Variants in SHC4 observed in about 807,000 individuals in gnomAD.
The protein encoded by SHC4 is SHC adaptor protein 4, also known as SHC-transforming protein 4.
In SHC4, 41 loss-of-function variants were observed where a neutral mutation model predicts 69.4. The observed-to-expected ratio is 0.59, with a 90% CI of 0.46 to 0.77. The LOEUF (loss-of-function observed/expected upper bound fraction) is 0.77, where lower values mean the gene tolerates loss of function less well. SHC4 is among the 30% of genes least tolerant of loss of function. The pLI, the probability that SHC4 is intolerant of heterozygous loss-of-function variation, is 0.00. For synonymous variants in SHC4, 318 were observed against 299.3 expected, an observed-to-expected ratio of 1.06 and a Z score of -0.64; for missense variants, 777 against 783.8, an observed-to-expected ratio of 0.99 and a Z score of 0.10.
chr15:48,846,980 A>G (rs1161324460), intron 9 of SHC4, among the ~76,000 whole-genome samples: 1 of 151,176 alleles, frequency 6.6e-6, no homozygotes, highest in Non-Finnish European at 1.5e-5. Context: ...AGCGCACAAT[A>G]GAGTACTGAA....
At chr15:48,958,084 T>C (rs1292671861) in intron 1 of SHC4, among the ~76,000 whole-genome samples, 1 of 152,224 alleles carries the variant, frequency 6.6e-6, no homozygotes, top group Non-Finnish European at 1.5e-5. Flanking sequence ...TCGATTTCTA[T>C]AGTAGTAAGC....
intron 2 of SHC4, among the ~76,000 whole-genome samples, chr15:48,896,640 A>G (rs1334054046): frequency 1.3e-5 from 2 of 152,006 alleles, no homozygotes; most frequent in African/African-American, 2.4e-5. Context: ...TTTCTATTCC[A>G]TTTAAGAAGG....
intron 1 of SHC4, among the ~76,000 whole-genome samples, chr15:48,932,453 C>A (rs1017417080): frequency 4.6e-5 from 7 of 152,144 alleles, no homozygotes; most frequent in Non-Finnish European, 1.0e-4. Context: ...GAATGATGTA[C>A]AGGGCCTCTC....
chr15:48,957,245 T>G (rs1445230011), intron 1 of SHC4, among the ~76,000 whole-genome samples: 1 of 152,258 alleles, frequency 6.6e-6, no homozygotes, highest in East Asian at 1.9e-4. Flanking sequence ...CCCTAAGTGC[T>G]GGGGTTACAG....
chr15:48,944,852 G>A (rs570939602), intron 1 of SHC4, among the ~76,000 whole-genome samples: 1 of 152,110 alleles, frequency 6.6e-6, no homozygotes, highest in Non-Finnish European at 1.5e-5. Context: ...CAAAAGTAAC[G>A]TTTTAATCCC....
intron 11 of SHC4, among the ~76,000 whole-genome samples, chr15:48,829,527 C>T (rs575650028): frequency 6.6e-6 from 1 of 152,052 alleles, no homozygotes; most frequent in Admixed American, 6.5e-5. Flanking sequence ...TTATTTTGTC[C>T]GATATAAGTA....
intron 1 of SHC4, among the ~76,000 whole-genome samples, chr15:48,949,983 TATAAA>T (rs1409980672): frequency 8.4e-5 from 12 of 142,180 alleles, no homozygotes; most frequent in Admixed American, 4.3e-4. Context: ...TGAAATAATA[TATAAA>T]ATAATATATT....
chr15:48,936,729 G>A (rs1424253652), intron 1 of SHC4, among the ~76,000 whole-genome samples: 4 of 152,158 alleles, frequency 2.6e-5, no homozygotes, highest in African/African-American at 9.7e-5. Flanking sequence ...CTAATACACT[G>A]GGAAATGAGC....
chr15:48,890,797 C>T lies in SHC4; in HGVS notation c.671G>A (p.Arg224His), dbSNP rs780132399. ...RTQVTREAISRLCEAVPGANG... is the reference protein window; with the variant it reads ...RTQVTREAISHLCEAVPGANG... ...TGCCCCGGGGACAGCTTCACACAGG[C>T]GACTTATTGCTTCCCTAAAGAACAG... The change falls in exon 3 of 12, where the codon CGC (arginine) becomes CAC (histidine). Residue 224 changes from arginine to histidine, a missense_variant. Arg to His is a conservative substitution (Grantham distance 29, BLOSUM62 0). Transcript: ENST00000332408. The T allele has an allele frequency of 2.5e-6, 4 of 1,614,142 alleles. No homozygotes were observed. Among genetic ancestry groups the T allele is most frequent in the Middle Eastern group, 1.6e-4 (1 of 6,062 alleles).
chr15:48,934,334 G>C (rs933336419), intron 1 of SHC4, among the ~76,000 whole-genome samples: 1 of 152,120 alleles, frequency 6.6e-6, no homozygotes, highest in Non-Finnish European at 1.5e-5. Flanking sequence ...CACATGAAAA[G>C]ATGTTCAATA....
chr15:48,909,450 G>A (rs1344189070), intron 2 of SHC4, among the ~76,000 whole-genome samples: 1 of 152,092 alleles, frequency 6.6e-6, no homozygotes, highest in African/African-American at 2.4e-5. Context: ...CTTTCTGGAG[G>A]AGTCTTTAAG....
At chr15:48,842,791 C>T (rs969918092) in intron 10 of SHC4, among the ~76,000 whole-genome samples, 5 of 152,006 alleles carry the variant, frequency 3.3e-5, no homozygotes, top group African/African-American at 4.8e-5. Flanking sequence ...ATTAGCTGGG[C>T]ATGTTGTTGC....
rs144707724 is a variant in SHC4 at position 48,953,982 on chromosome 15, A to C, written c.585+8449T>G. On this transcript the variant is annotated intron_variant, in intron 1 of 11. Coordinates refer to ENST00000332408, the MANE Select transcript of SHC4 (RefSeq NM_203349.4). ...GAAAGAAGAAAATGAGAAGATGTAG[A>C]AGTGGCTTAGATTCGATTTACAGGA... Among the ~76,000 whole-genome samples, 994 of 152,342 alleles carry C rather than the reference A, an allele frequency of 6.5e-3. 17 individuals carry two copies. The highest frequency in any genetic ancestry group is 0.023 in the African/African-American group (959 of 41,578).
intron 11 of SHC4, among the ~76,000 whole-genome samples, chr15:48,827,687 G>A (rs1247064574): frequency 6.6e-6 from 1 of 152,184 alleles, no homozygotes; most frequent in Non-Finnish European, 1.5e-5. Context: ...TTGTAAGCAG[G>A]CCACTCTGGC....
At chr15:48,907,840 G>GTATA (rs1555435743) in intron 2 of SHC4, among the ~76,000 whole-genome samples, 42 of 142,230 alleles carry the variant, frequency 3.0e-4, no homozygotes, top group East Asian at 1.3e-3. Context: ...GTGTGTGTGT[G>GTATA]TATATATATA....
In SHC4 at chr15:48,867,957, G is replaced by A. The variant is rs1308099954; in HGVS notation, c.895-88C>T. ...TATTTTGGACATGATACTGAGGCAA[G>A]GACTCAAATACAAATGTTTTTTATT... On this transcript the variant is annotated intron_variant, in intron 5 of 11. Coordinates refer to ENST00000332408, the MANE Select transcript of SHC4 (RefSeq NM_203349.4). The A allele has an allele frequency of 4.8e-6, 5 of 1,032,584 alleles. No homozygotes were observed. In the South Asian group the frequency reaches 5.8e-5, roughly 12 times the overall value. The allele number at this position is 1,032,584 out of a possible 1,614,324, so 64.0% of individuals were successfully genotyped here.
At chr15:48,907,840 G>GTGTGTGTATA (rs763689321) in intron 2 of SHC4, among the ~76,000 whole-genome samples, 2 of 142,196 alleles carry the variant, frequency 1.4e-5, no homozygotes, top group African/African-American at 5.3e-5. Context: ...GTGTGTGTGT[G>GTGTGTGTATA]TATATATATA....
chr15:48,930,805 T>C (rs1477956760), intron 1 of SHC4, among the ~76,000 whole-genome samples: 1 of 152,170 alleles, frequency 6.6e-6, no homozygotes, highest in African/African-American at 2.4e-5. Context: ...TAAATAATTT[T>C]TAGTCTTTCC....
chr15:48,850,668 G>A (rs753999411), intron 9 of SHC4, among the ~76,000 whole-genome samples: 1 of 152,124 alleles, frequency 6.6e-6, no homozygotes, highest in Non-Finnish European at 1.5e-5. Context: ...GAAAAGTTTT[G>A]TCCAACATCA....
Sources: allele counts gnomAD v4.1 joint callset (sites outside exome capture counted in the v4.1 genomes callset), GRCh38; gene constraint gnomAD v4.1.1; transcripts MANE v1.5; gene names NCBI Gene and HGNC (gene_info 2026-07-23, HGNC 2026-07-21).